Variants in UBASH3B observed in about 807,000 individuals in gnomAD.
UBASH3B encodes ubiquitin associated and SH3 domain containing B.
Under a neutral mutation model 83.4 loss-of-function variants are expected in UBASH3B, and 37 were observed. That is an observed-to-expected ratio of 0.44 (90% CI 0.34 to 0.58). UBASH3B has a LOEUF of 0.58. UBASH3B is among the 20% of genes least tolerant of loss of function. The pLI is 0.01. For synonymous variants in UBASH3B, 304 were observed against 318.3 expected, an observed-to-expected ratio of 0.96 and a Z score of 0.48; for missense variants, 657 against 827.2, an observed-to-expected ratio of 0.79 and a Z score of 2.52.
chr11:122,691,692 A>G (rs761243259), intron 1 of UBASH3B, among the ~76,000 whole-genome samples: 1 of 152,210 alleles, frequency 6.6e-6, no homozygotes, highest in Non-Finnish European at 1.5e-5. Context: ...AAATGTGGGT[A>G]TTTTACAAAT....
chr11:122,803,697 G>C (rs918002725), intron 11 of UBASH3B, among the ~76,000 whole-genome samples: 2 of 152,122 alleles, frequency 1.3e-5, no homozygotes, highest in African/African-American at 4.8e-5. Context: ...GAGTGTTGGA[G>C]GGGAAACAAA....
chr11:122,699,856 T>A (rs1864019933), intron 1 of UBASH3B, among the ~76,000 whole-genome samples: 1 of 152,140 alleles, frequency 6.6e-6, no homozygotes, highest in South Asian at 2.1e-4. Flanking sequence ...AGTGCTGGGA[T>A]TACAGGCATG....
At chr11:122,675,595 C>T (rs532451704) in intron 1 of UBASH3B, among the ~76,000 whole-genome samples, 1 of 152,340 alleles carries the variant, frequency 6.6e-6, no homozygotes, top group Admixed American at 6.5e-5. Context: ...TTGGGTAAGA[C>T]AGTTTATGTC....
intron 1 of UBASH3B, among the ~76,000 whole-genome samples, chr11:122,676,375 C>G (rs1487076625): frequency 6.6e-6 from 1 of 152,020 alleles, no homozygotes; most frequent in Non-Finnish European, 1.5e-5. Flanking sequence ...CGTGTCTGTA[C>G]TAAAAATACA....
At chr11:122,662,163 TC>T (rs1268832129) in intron 1 of UBASH3B, among the ~76,000 whole-genome samples, 1 of 151,962 alleles carries the variant, frequency 6.6e-6, no homozygotes, top group Non-Finnish European at 1.5e-5. Flanking sequence ...CGCCTTGGCC[TC>T]CCAAAGTGCT....
chr11:122,801,419 G>A, intron 11 of UBASH3B, 87 bp downstream of exon 11: 1 of 1,487,208 alleles, frequency 6.7e-7, no homozygotes, highest in Non-Finnish European at 9.1e-7. Flanking sequence ...AGGAGCCAGG[G>A]CTGGACATCA....
intron 1 of UBASH3B, among the ~76,000 whole-genome samples, chr11:122,667,825 A>G (rs1418171139): frequency 1.3e-5 from 2 of 152,162 alleles, no homozygotes; most frequent in Admixed American, 1.3e-4. Flanking sequence ...CTTTACACTT[A>G]AGTAAAATGA....
intron 1 of UBASH3B, among the ~76,000 whole-genome samples, chr11:122,660,926 A>G (rs866615070): frequency 3.3e-5 from 5 of 152,166 alleles, no homozygotes; most frequent in Admixed American, 1.3e-4. Context: ...TAGGTCTTCT[A>G]TTTAACCTCT....
intron 1 of UBASH3B, among the ~76,000 whole-genome samples, chr11:122,768,998 C>T (rs1860599271): frequency 6.6e-6 from 1 of 152,176 alleles, no homozygotes; most frequent in Admixed American, 6.5e-5. Context: ...CTAACAATAC[C>T]AGCTTCATAA....
chr11:122,801,870 C>T (rs1369827853), intron 11 of UBASH3B, among the ~76,000 whole-genome samples: 1 of 152,170 alleles, frequency 6.6e-6, no homozygotes, highest in East Asian at 1.9e-4. Context: ...AAACTTTATT[C>T]ATCATTTTCC....
At chr11:122,807,898 A>G (rs779735578) in intron 12 of UBASH3B, among the ~76,000 whole-genome samples, 169 bp from the exon 13 acceptor site, 2 of 152,236 alleles carry the variant, frequency 1.3e-5, no homozygotes, top group Non-Finnish European at 2.9e-5. Flanking sequence ...TTCTTTAAAA[A>G]GATTAAGCTG....
intron 1 of UBASH3B, among the ~76,000 whole-genome samples, chr11:122,688,156 A>G (rs984131415): frequency 5.3e-5 from 8 of 151,960 alleles, no homozygotes; most frequent in African/African-American, 1.9e-4. Flanking sequence ...GGTGATGACA[A>G]TTGTGTAGAA....
At chr11:122,672,749 GT>G (rs1395550875) in intron 1 of UBASH3B, among the ~76,000 whole-genome samples, 1 of 152,192 alleles carries the variant, frequency 6.6e-6, no homozygotes, top group Non-Finnish European at 1.5e-5. Flanking sequence ...CTCAGCGAGA[GT>G]TTTCTCTGGT....
intron 1 of UBASH3B, among the ~76,000 whole-genome samples, chr11:122,772,785 G>A (rs974424481): frequency 1.3e-5 from 2 of 152,202 alleles, no homozygotes; most frequent in Non-Finnish European, 2.9e-5. Flanking sequence ...ATTAGCCATT[G>A]TGTTTCTTTT....
At chr11:122,690,332 C>T (rs1863879141) in intron 1 of UBASH3B, among the ~76,000 whole-genome samples, 1 of 144,440 alleles carries the variant, frequency 6.9e-6, no homozygotes, top group Non-Finnish European at 1.5e-5. Flanking sequence ...AATGAGGATT[C>T]TATATTATAA....
At chr11:122,756,106 G>C (rs940129558) in intron 1 of UBASH3B, among the ~76,000 whole-genome samples, 3 of 152,164 alleles carry the variant, frequency 2.0e-5, no homozygotes, top group Non-Finnish European at 4.4e-5. Context: ...AGGAATCAAG[G>C]CTGACTGTAT....
At chr11:122,680,051 G>A (rs1422992269) in intron 1 of UBASH3B, among the ~76,000 whole-genome samples, 8 of 152,098 alleles carry the variant, frequency 5.3e-5, no homozygotes, top group Non-Finnish European at 1.0e-4. Flanking sequence ...GGCTGGTCTC[G>A]AACTCCTGAC....
chr11:122,789,045 G>A, intron 5 of UBASH3B, 55 bp from the exon 6 acceptor site: 1 of 1,529,096 alleles, frequency 6.5e-7, no homozygotes, highest in Non-Finnish European at 9.0e-7. Flanking sequence ...TGCCCTCAAG[G>A]CGCTCAGGAG....
chr11:122,710,332 G>A (rs1864175734), intron 1 of UBASH3B, among the ~76,000 whole-genome samples: 1 of 152,156 alleles, frequency 6.6e-6, no homozygotes, highest in Non-Finnish European at 1.5e-5. Context: ...GTCCCGGAGC[G>A]GGCTGGTGGT....
Sources: allele counts gnomAD v4.1 joint callset (sites outside exome capture counted in the v4.1 genomes callset), GRCh38; gene constraint gnomAD v4.1.1; transcripts MANE v1.5; gene names NCBI Gene and HGNC (gene_info 2026-07-23, HGNC 2026-07-21).